PCDHAC2: variants seen among roughly 807,000 people sequenced by gnomAD.
PCDHAC2 encodes the protein protocadherin alpha-C2.
Under a neutral mutation model 63.3 loss-of-function variants are expected in PCDHAC2, and 24 were observed. That is an observed-to-expected ratio of 0.38 (90% CI 0.27 to 0.53). PCDHAC2 has a LOEUF of 0.53. Among genes scored for constraint, PCDHAC2 ranks in the 20% least tolerant of loss-of-function variants. The probability of loss-of-function intolerance (pLI) is 0.81; values close to 1 mark genes in which losing one functional copy is unlikely to be tolerated. For missense variants in PCDHAC2, 1,181 were observed against 1,275.2 expected (o/e 0.93, Z 1.12); for synonymous variants, 569 against 529.4 (o/e 1.07, Z -1.03).
At chr5:140,987,431 C>G (rs187493051) in intron 3 of PCDHAC2, among the ~76,000 whole-genome samples, 1 of 152,232 alleles carries the variant, frequency 6.6e-6, no homozygotes, top group East Asian at 1.9e-4. Context: ...AGCAGGGGGC[C>G]TTTCCCCATG....
chr5:140,989,373 C>G (rs1189877807), intron 3 of PCDHAC2, among the ~76,000 whole-genome samples: 1 of 152,088 alleles, frequency 6.6e-6, no homozygotes, highest in Non-Finnish European at 1.5e-5. Flanking sequence ...TGACTGAGAG[C>G]TTTGTGGGAA....
At chr5:140,973,442 A>G (rs1230315099) in intron 1 of PCDHAC2, among the ~76,000 whole-genome samples, 4 of 152,274 alleles carry the variant, frequency 2.6e-5, no homozygotes, top group Non-Finnish European at 5.9e-5. Context: ...TGGTCACTTT[A>G]TAATGACTGG....
In PCDHAC2 at chr5:141,003,093, C is replaced by T. The variant is rs80317990; in HGVS notation, c.2714-6534C>T. 2.0e-4 allele frequency among the ~76,000 whole-genome samples: 30 copies of T among 152,330 alleles called. No individual in the cohort carries two copies. The East Asian group carries it at 5.4e-3, about 27-fold the overall frequency. ...ATGAGGGTGAGTTTAACAGGCCTGG[C>T]ATTTGCTTCACAATCTTCTGGCCCT... On this transcript the variant is annotated intron_variant, in intron 3 of 3. Coordinates refer to ENST00000289269, the MANE Select transcript of PCDHAC2 (RefSeq NM_018899.6).
At chr5:140,985,936 T>C (rs1379150817) in intron 3 of PCDHAC2, among the ~76,000 whole-genome samples, 3 of 152,038 alleles carry the variant, frequency 2.0e-5, no homozygotes, top group Non-Finnish European at 2.9e-5. Context: ...AGCCGGGGTT[T>C]CACTGTGTTA....
chr5:140,974,744 T>A (rs966437450), intron 1 of PCDHAC2, among the ~76,000 whole-genome samples: 11 of 152,144 alleles, frequency 7.2e-5, no homozygotes, highest in African/African-American at 2.4e-4. Context: ...CACCTTGGCC[T>A]CCCAAAGTGC....
At chr5:140,999,280 T>C (rs782502393) in intron 3 of PCDHAC2, among the ~76,000 whole-genome samples, 2 of 152,228 alleles carry the variant, frequency 1.3e-5, no homozygotes, top group Non-Finnish European at 2.9e-5. Context: ...ATAGTAGTAA[T>C]ACCCATTCTT....
chr5:141,000,447 G>C (rs2097938373), intron 3 of PCDHAC2, among the ~76,000 whole-genome samples: 1 of 41,758 alleles, frequency 2.4e-5, no homozygotes, highest in Admixed American at 2.7e-4. Flanking sequence ...TTTTTTTTGA[G>C]ACAGAGTTTT....
intron 2 of PCDHAC2, among the ~76,000 whole-genome samples, chr5:140,979,718 TGCCATGGG>T (rs1430155366): frequency 1.3e-5 from 2 of 152,270 alleles, no homozygotes; most frequent in Non-Finnish European, 2.9e-5. Context: ...CCAGTATCCA[TGCCATGGG>T]GCCAAATAAA....
intron 3 of PCDHAC2, among the ~76,000 whole-genome samples, chr5:140,993,462 T>TCTCA (rs1235362335): frequency 6.4e-5 from 9 of 140,938 alleles, no homozygotes; most frequent in African/African-American, 2.1e-4. Context: ...TCTTTCTTTC[T>TCTCA]CACACACACA....
At position 140,969,194 on chromosome 5, in the gene PCDHAC2, A is replaced by G. The variant is rs782262250; in HGVS notation, c.2428A>G (p.Asn810Asp). Residue 810 changes from asparagine (N) to aspartate (D), a missense_variant, in exon 1 of 4, where the codon AAT (asparagine) becomes GAT (aspartate). Coordinates refer to ENST00000289269, the MANE Select transcript of PCDHAC2 (RefSeq NM_018899.6). ...GSGSDTFMFY[N>D]TGAQTGPGPS... ...AGGGAGTGACACTTTCATGTTTTAC[A>G]ATACAGGGGCCCAGACAGGACCAGG... 1.8e-5 allele frequency: 29 copies of G among 1,614,026 alleles called. No homozygotes were observed. The highest frequency in any genetic ancestry group is 2.3e-5 in the Non-Finnish European group (27 of 1,180,018).
intron 3 of PCDHAC2, among the ~76,000 whole-genome samples, chr5:140,997,576 G>A (rs528258685): frequency 5.9e-5 from 9 of 152,166 alleles, no homozygotes; most frequent in African/African-American, 2.4e-5. Flanking sequence ...TGTGTGGTCC[G>A]TTGTTGACTG....
chr5:140,989,733 C>T (rs31874), intron 3 of PCDHAC2, among the ~76,000 whole-genome samples: 120,660 of 152,102 alleles, frequency 0.79, 48,852 homozygotes, highest in East Asian at 0.98. Context: ...GTTGAAAAGG[C>T]CATTGCCTAA....
At chr5:140,985,377 A>G (rs782189204) in intron 3 of PCDHAC2, among the ~76,000 whole-genome samples, 10 of 152,188 alleles carry the variant, frequency 6.6e-5, no homozygotes, top group Non-Finnish European at 5.9e-5. Context: ...CTGGGTCTAT[A>G]TAATCCAGTC....
At chr5:140,993,577 T>A (rs1215999612) in intron 3 of PCDHAC2, among the ~76,000 whole-genome samples, 1 of 151,978 alleles carries the variant, frequency 6.6e-6, no homozygotes, top group African/African-American at 2.4e-5. Flanking sequence ...CTAGGGATGC[T>A]TTTCTTGGCT....
chr5:140,976,553 A>C (rs1554237789), intron 1 of PCDHAC2, among the ~76,000 whole-genome samples: 1 of 152,074 alleles, frequency 6.6e-6, no homozygotes, highest in African/African-American at 2.4e-5. Flanking sequence ...CCTATCTCAT[A>C]AATAAATAAA....
chr5:140,994,258 G>A (rs2097608740), intron 3 of PCDHAC2, among the ~76,000 whole-genome samples: 1 of 152,122 alleles, frequency 6.6e-6, no homozygotes, highest in Admixed American at 6.5e-5. Flanking sequence ...GGTAAATAAG[G>A]TAAGCTAGGC....
chr5:140,982,089 C>A (rs2096965506), intron 2 of PCDHAC2, among the ~76,000 whole-genome samples: 1 of 152,220 alleles, frequency 6.6e-6, no homozygotes, highest in Non-Finnish European at 1.5e-5. Context: ...AACCTAGGAA[C>A]AAGAGAACCT....
chr5:140,990,172 TGA>T (rs1341832599), intron 3 of PCDHAC2, among the ~76,000 whole-genome samples: 1 of 152,022 alleles, frequency 6.6e-6, no homozygotes, highest in Non-Finnish European at 1.5e-5. Context: ...TATGAAAAGG[TGA>T]CTTTTAAGAA....
rs1554230749 is a variant in PCDHAC2 at position 140,968,460 on chromosome 5, C to G, written c.1694C>G (p.Ala565Gly). 1 of 1,614,096 alleles carries G rather than the reference C, an allele frequency of 6.2e-7. No individual in the cohort carries two copies. Among genetic ancestry groups the G allele is most frequent in the Non-Finnish European group, 8.5e-7 (1 of 1,180,028 alleles). ...GSPPLSSTVT[A>G]NVYVVDMNDH... ...CCACCACTGAGCAGCACTGTGACTG[C>G]CAACGTATATGTGGTGGACATGAAT... Residue 565 changes from alanine (A) to glycine (G), a missense_variant, in exon 1 of 4, where the codon GCC (alanine) becomes GGC (glycine). Around this residue, in one of 3 missense-constraint regions of PCDHAC2, gnomAD observed 968 missense variants for 1,073.5 expected, o/e 0.90. Coordinates refer to ENST00000289269, the MANE Select transcript of PCDHAC2 (RefSeq NM_018899.6).
Sources: allele counts gnomAD v4.1 joint callset (sites outside exome capture counted in the v4.1 genomes callset), GRCh38; gene constraint gnomAD v4.1.1; regional missense constraint gnomAD v4.1.1; transcripts MANE v1.5; gene names NCBI Gene and HGNC (gene_info 2026-07-23, HGNC 2026-07-21).